Variants in HIVEP3 observed in about 807,000 individuals in gnomAD.
HIVEP3 encodes HIVEP zinc finger 3, also known as transcription factor HIVEP3.
In HIVEP3, 49 loss-of-function variants were observed where a neutral mutation model predicts 152.8. That is an observed-to-expected ratio of 0.32 (90% CI 0.26 to 0.41). The LOEUF is 0.41. Ranked by LOEUF, HIVEP3 falls within the 10% of genes least tolerant of loss-of-function variation. The probability of loss-of-function intolerance (pLI) is 1.00; values close to 1 mark genes in which losing one functional copy is unlikely to be tolerated. For missense variants in HIVEP3, 2,790 were observed against 3,103.3 expected (o/e 0.90, Z 2.40); for synonymous variants, 1,269 against 1,289.0 (o/e 0.98, Z 0.33).
chr1:41,712,641 G>C (rs551613205), intron 1 of HIVEP3, among the ~76,000 whole-genome samples: 1 of 152,190 alleles, frequency 6.6e-6, no homozygotes, highest in Admixed American at 6.5e-5. Flanking sequence ...GGAAACCAGC[G>C]TCCTGAGCTG....
chr1:41,529,408 C>T (rs1227825755), intron 5 of HIVEP3, among the ~76,000 whole-genome samples: 23 of 143,322 alleles, frequency 1.6e-4, no homozygotes, highest in African/African-American at 6.0e-4. Context: ...ATGCTCATAC[C>T]CCACACCCTC....
chr1:41,519,625 T>C (rs1427860230), intron 6 of HIVEP3, among the ~76,000 whole-genome samples: 2 of 152,152 alleles, frequency 1.3e-5, no homozygotes, highest in Non-Finnish European at 2.9e-5. Flanking sequence ...GTCTAATGAA[T>C]TGGTAAGTTT....
At chr1:41,887,872 T>G (rs1159509538) in intron 1 of HIVEP3, among the ~76,000 whole-genome samples, 2 of 152,074 alleles carry the variant, frequency 1.3e-5, no homozygotes, top group Non-Finnish European at 1.5e-5. Context: ...CTATTTAAAT[T>G]AATAAAAATG....
chr1:41,759,473 T>TGATATTGTGAATAGTGCA (rs1647526530), intron 1 of HIVEP3, among the ~76,000 whole-genome samples: 1 of 152,240 alleles, frequency 6.6e-6, no homozygotes, highest in African/African-American at 2.4e-5. Context: ...TGAATAGTGC[T>TGATATTGTGAATAGTGCA]GATATTGTGA....
chr1:41,743,317 A>C (rs1055397488), intron 1 of HIVEP3, among the ~76,000 whole-genome samples: 1 of 152,188 alleles, frequency 6.6e-6, no homozygotes, highest in African/African-American at 2.4e-5. Flanking sequence ...ACCAACTGTG[A>C]GCTTGCCACC....
Position 41,984,358 on chromosome 1 carries a change from T to A in HIVEP3, n.119+51449A>T, listed in dbSNP as rs1385764526. Among the ~76,000 whole-genome samples the A allele has an allele frequency of 2.0e-5, 3 of 152,198 alleles. No homozygotes were observed. The South Asian group carries it at 6.2e-4, about 31-fold the overall frequency. On this transcript the variant is annotated intron_variant and non_coding_transcript_variant, in intron 1 of 3. Transcript: ENST00000489103. Reference sequence around the variant, plus strand: ...GAGCAAGCAGACAATACAGAAGGGCTATTCAATAACAACATTTTGTTATCT... The same window carrying A: ...GAGCAAGCAGACAATACAGAAGGGCAATTCAATAACAACATTTTGTTATCT...
chr1:41,744,492 G>A (rs1647042548), intron 1 of HIVEP3, among the ~76,000 whole-genome samples: 2 of 152,276 alleles, frequency 1.3e-5, no homozygotes, highest in Non-Finnish European at 2.9e-5. Context: ...CTGGCCAGAT[G>A]GGAGACTTAG....
At chr1:41,648,675 G>A (rs1471999809) in intron 2 of HIVEP3, among the ~76,000 whole-genome samples, 2 of 152,208 alleles carry the variant, frequency 1.3e-5, no homozygotes, top group African/African-American at 2.4e-5. Flanking sequence ...TATGGAGGGG[G>A]GTTACATGAA....
At chr1:41,739,845 G>T (rs533030078) in intron 1 of HIVEP3, among the ~76,000 whole-genome samples, 2 of 152,320 alleles carry the variant, frequency 1.3e-5, no homozygotes, top group South Asian at 2.1e-4. Context: ...CACCTCCCCA[G>T]TGTGCTTCAG....
chr1:41,751,929 T>C (rs920416453), intron 1 of HIVEP3, among the ~76,000 whole-genome samples: 3 of 152,144 alleles, frequency 2.0e-5, no homozygotes, highest in African/African-American at 7.2e-5. Context: ...AAGCCTGTGG[T>C]GGGTGGAGGA....
intron 1 of HIVEP3, among the ~76,000 whole-genome samples, chr1:41,757,096 T>TTATTAC: frequency 2.1e-5 from 1 of 47,844 alleles, no homozygotes; most frequent in Non-Finnish European, 1.1e-4. Context: ...TAAAAAATTA[T>TTATTAC]TATTATTATT....
At chr1:41,839,591 GCAGGGCC>G (rs1199900075) in intron 1 of HIVEP3, among the ~76,000 whole-genome samples, 1 of 152,118 alleles carries the variant, frequency 6.6e-6, no homozygotes, top group Non-Finnish European at 1.5e-5. Flanking sequence ...CTAACAAATC[GCAGGGCC>G]CAGGGCGTGA....
At chr1:41,762,918 T>C (rs188008215) in intron 1 of HIVEP3, among the ~76,000 whole-genome samples, 90 of 152,332 alleles carry the variant, frequency 5.9e-4, no homozygotes, top group Non-Finnish European at 1.9e-4. Context: ...TAGGTGGAAT[T>C]GGCCACTCCT....
At chr1:41,512,792 C>A in intron 8 of HIVEP3, 24 bp downstream of exon 8, 1 of 1,460,144 alleles carries the variant, frequency 6.8e-7, no homozygotes, top group South Asian at 1.4e-5. Context: ...AGAAGCGGCC[C>A]AGCCACCAGG....
At chr1:41,685,797 G>A (rs1646105444) in intron 2 of HIVEP3, among the ~76,000 whole-genome samples, 1 of 152,110 alleles carries the variant, frequency 6.6e-6, no homozygotes, top group Non-Finnish European at 1.5e-5. Context: ...ACTCATCTTT[G>A]TAACTCTCAA....
At chr1:41,800,245 C>T (rs1358208089) in intron 1 of HIVEP3, among the ~76,000 whole-genome samples, 1 of 152,232 alleles carries the variant, frequency 6.6e-6, no homozygotes, top group African/African-American at 2.4e-5. Context: ...TTTCTCCCTC[C>T]CCTGAATCTG....
At chr1:41,527,891 C>A (rs1343989169) in intron 5 of HIVEP3, among the ~76,000 whole-genome samples, 2 of 145,138 alleles carry the variant, frequency 1.4e-5, no homozygotes, top group African/African-American at 2.6e-5. Flanking sequence ...ACACTCACAC[C>A]CCACCCTCAT....
chr1:41,888,192 C>T (rs1329955702), intron 1 of HIVEP3, among the ~76,000 whole-genome samples: 26 of 148,688 alleles, frequency 1.7e-4, no homozygotes, highest in African/African-American at 2.5e-4. Flanking sequence ...CCCACCACCA[C>T]GCCCGGCTAA....
intron 1 of HIVEP3, among the ~76,000 whole-genome samples, chr1:41,796,322 C>A (rs573562543): frequency 6.6e-6 from 1 of 152,242 alleles, no homozygotes; most frequent in African/African-American, 2.4e-5. Context: ...CGGGACCACA[C>A]GACAGCCCCA....
Sources: gnomAD v4.1 joint callset for allele counts (sites outside exome capture counted in the v4.1 genomes callset) on GRCh38, gnomAD v4.1.1 for gene constraint, MANE v1.5 for transcripts, NCBI Gene and HGNC (gene_info 2026-07-23, HGNC 2026-07-21) for gene names.